The following PTPRN2 variants were observed in gnomAD, a reference collection of about 807,000 sequenced individuals.
The protein encoded by PTPRN2 is receptor-type tyrosine-protein phosphatase N2.
A neutral mutation model predicts 118.8 loss-of-function variants in PTPRN2; 74 were observed. That is an observed-to-expected ratio of 0.62 (90% CI 0.52 to 0.76). The LOEUF (loss-of-function observed/expected upper bound fraction) is 0.76, where lower values mean the gene tolerates loss of function less well. PTPRN2 is among the 30% of genes least tolerant of loss of function. The probability of loss-of-function intolerance (pLI) is 0.00; values close to 1 mark genes in which losing one functional copy is unlikely to be tolerated. For synonymous variants in PTPRN2, 641 were observed against 608.0 expected (o/e 1.05, Z -0.80); for missense variants, 1,481 against 1,394.4 (o/e 1.06, Z -0.99).
chr7:157,964,943 T>G lies in PTPRN2; in HGVS notation c.1724-66206A>C, dbSNP rs1410687040. 6.6e-6 allele frequency among the ~76,000 whole-genome samples: 1 copy of G among 152,130 alleles called. No individual in the cohort carries two copies. The highest frequency in any genetic ancestry group is 1.5e-5 in the Non-Finnish European group (1 of 68,016). ...TATAATTTATGTTCAACAGAGACCT[T>G]TGGGAGTGAGTGTCAGTGCCGTAGC... On this transcript the variant is annotated intron_variant, in intron 11 of 22. Transcript: ENST00000389418. This position sits in a 1 kb window ranked among gnomAD's most constrained non-coding sequence, Gnocchi z 9.0.
intron 11 of PTPRN2, among the ~76,000 whole-genome samples, chr7:158,076,705 C>A (rs1486551415): frequency 6.6e-6 from 1 of 152,178 alleles, no homozygotes; most frequent in African/African-American, 2.4e-5. Flanking sequence ...GCCCCTGAGA[C>A]CCACGCTAGT....
intron 5 of PTPRN2, among the ~76,000 whole-genome samples, chr7:158,187,596 T>C (rs1476577204): frequency 1.3e-5 from 2 of 152,322 alleles, no homozygotes; most frequent in South Asian, 2.1e-4. Flanking sequence ...ATTTAAACAC[T>C]GGACAGAAAA....
intron 14 of PTPRN2, among the ~76,000 whole-genome samples, chr7:157,633,558 G>A (rs894822970): frequency 2.0e-5 from 3 of 152,244 alleles, no homozygotes; most frequent in Non-Finnish European, 4.4e-5. Context: ...TCACGACGCA[G>A]AGCCTGGGTG....
At chr7:158,267,445 G>A (rs1359515087) in intron 3 of PTPRN2, among the ~76,000 whole-genome samples, 2 of 152,168 alleles carry the variant, frequency 1.3e-5, no homozygotes, top group Non-Finnish European at 2.9e-5. Flanking sequence ...TGTGGACAAC[G>A]CCCAGACCCT....
At chr7:158,513,299 G>T (rs532378200) in intron 1 of PTPRN2, among the ~76,000 whole-genome samples, 43 of 152,288 alleles carry the variant, frequency 2.8e-4, no homozygotes, top group Admixed American at 2.8e-3. Flanking sequence ...CCTCAAAACT[G>T]TCAGGGTCCT....
chr7:158,587,793 G>A lies in PTPRN2; in HGVS notation c.-124C>T. 1 of 929,794 alleles carries A rather than the reference G, an allele frequency of 1.1e-6. No homozygotes were observed. 57.6% of individuals were successfully genotyped at this position (929,794 alleles called of 1,614,324 possible). A position where few individuals can be genotyped will look rare whatever the true frequency, so the allele number is the denominator to read the frequency against. ...CCCGCCGCGCCTCTCGCGCTCTTGCGGCGACGCCGGGCCGAGCTTCAGCAC... is the reference window on the plus strand; with the variant it reads ...CCCGCCGCGCCTCTCGCGCTCTTGCAGCGACGCCGGGCCGAGCTTCAGCAC... On this transcript the variant is annotated 5_prime_UTR_variant, in exon 1 of 23. Transcript: ENST00000389418.
Position 157,923,523 on chromosome 7 carries a change from G to C in PTPRN2, c.1724-24786C>G, listed in dbSNP as rs368536206. Among the ~76,000 whole-genome samples the C allele has an allele frequency of 6.6e-5, 10 of 152,344 alleles. No individual in the cohort carries two copies. In the East Asian group the frequency reaches 7.7e-4, roughly 12 times the overall value. The stretch of plus-strand genomic sequence containing the variant: ...GAACATCATCCCCGTCTTTCCACCT[G>C]TGTCAGTTCCTTCAAAGACAGGCCC... On this transcript the variant is annotated intron_variant, in intron 11 of 22. Transcript: ENST00000389418.
At chr7:158,139,712 C>A (rs1210187771) in intron 6 of PTPRN2, among the ~76,000 whole-genome samples, 2 of 152,102 alleles carry the variant, frequency 1.3e-5, no homozygotes, top group African/African-American at 2.4e-5. Flanking sequence ...ACACGCTCCA[C>A]ACATGAGAAT....
At chr7:157,995,839 G>A (rs1381527244) in intron 11 of PTPRN2, among the ~76,000 whole-genome samples, 1 of 152,254 alleles carries the variant, frequency 6.6e-6, no homozygotes, top group African/African-American at 2.4e-5. Flanking sequence ...CTTCGGAAAT[G>A]CACACTGGAA....
At chr7:157,689,260 AC>A (rs1204891854) in intron 12 of PTPRN2, among the ~76,000 whole-genome samples, 1 of 152,172 alleles carries the variant, frequency 6.6e-6, no homozygotes, top group Non-Finnish European at 1.5e-5. Context: ...GGGATCGGCG[AC>A]GCAAGGACAG....
intron 1 of PTPRN2, among the ~76,000 whole-genome samples, chr7:158,522,472 C>CGG (rs1563390527): frequency 4.0e-5 from 6 of 150,952 alleles, no homozygotes; most frequent in African/African-American, 9.8e-5. Flanking sequence ...AGGTCCACGT[C>CGG]AGAATGGTGG....
chr7:157,698,832 AT>A (rs1486920036), intron 12 of PTPRN2, among the ~76,000 whole-genome samples: 1 of 152,244 alleles, frequency 6.6e-6, no homozygotes, highest in Non-Finnish European at 1.5e-5. Flanking sequence ...TCAGTATAGT[AT>A]ATATATTGTA....
In PTPRN2 at chr7:158,414,771, G is replaced by A. The variant is rs989032105; in HGVS notation, c.163+74964C>T. Reference sequence around the variant, plus strand: ...GCTGGGAGCTGTGTTGAAAGTGGGGGAGGGGCATCCACTGATGAAGCTTCC... The same window carrying A: ...GCTGGGAGCTGTGTTGAAAGTGGGGAAGGGGCATCCACTGATGAAGCTTCC... On this transcript the variant is annotated intron_variant, in intron 2 of 22. Transcript: ENST00000389418. Among the ~76,000 whole-genome samples, 20 of 152,350 alleles carry A rather than the reference G, an allele frequency of 1.3e-4. 1 individual carries two copies. Among genetic ancestry groups the A allele is most frequent in the Admixed American group, 1.2e-3 (19 of 15,308 alleles).
chr7:157,961,765 C>T (rs557628761), intron 11 of PTPRN2, among the ~76,000 whole-genome samples: 3 of 152,330 alleles, frequency 2.0e-5, no homozygotes, highest in South Asian at 2.1e-4. Flanking sequence ...TTAGTAAATT[C>T]GGCACTCATA....
At chr7:158,206,811 ATTTT>A (rs941403588) in intron 3 of PTPRN2, among the ~76,000 whole-genome samples, 7 of 149,356 alleles carry the variant, frequency 4.7e-5, no homozygotes, top group Non-Finnish European at 1.0e-4. Flanking sequence ...TAATTTATTT[ATTTT>A]TTATTATTAT....
intron 12 of PTPRN2, among the ~76,000 whole-genome samples, chr7:157,695,707 G>T (rs1188052054): frequency 6.6e-6 from 1 of 152,212 alleles, no homozygotes; most frequent in Non-Finnish European, 1.5e-5. Context: ...ACCACCAGTA[G>T]TTATTTTTTC....
intron 14 of PTPRN2, among the ~76,000 whole-genome samples, chr7:157,650,385 T>C (rs978115914): frequency 6.6e-6 from 1 of 152,332 alleles, no homozygotes; most frequent in Non-Finnish European, 1.5e-5. Flanking sequence ...GAGAAACAGC[T>C]TTCCTGCAAA....
rs150385747 is a variant in PTPRN2, at chr7:158,146,890, C to G, written c.911-8375G>C. Among the ~76,000 whole-genome samples the G allele has an allele frequency of 8.6e-5, 13 of 152,020 alleles. 1 individual carries two copies. The highest frequency in any genetic ancestry group is 4.6e-4 in the Admixed American group (7 of 15,282). On this transcript the variant is annotated intron_variant, in intron 6 of 22. Coordinates refer to ENST00000389418, the MANE Select transcript of PTPRN2 (RefSeq NM_002847.5). Reference sequence around the variant, plus strand: ...GCAAACAGTTTACAGGGAAAATACACCATTAAGATCCTGTGAAGAGACTGA... The same window carrying G: ...GCAAACAGTTTACAGGGAAAATACAGCATTAAGATCCTGTGAAGAGACTGA...
At chr7:158,298,899 C>A (rs1355449839) in intron 3 of PTPRN2, among the ~76,000 whole-genome samples, 2 of 152,172 alleles carry the variant, frequency 1.3e-5, no homozygotes, top group Non-Finnish European at 2.9e-5. Context: ...TGGGCCAGCA[C>A]CCAAATACCT....
Sources: gnomAD v4.1 joint callset for allele counts (sites outside exome capture counted in the v4.1 genomes callset) on GRCh38, gnomAD v4.1.1 for gene constraint, Gnocchi (gnomAD v3.1) non-coding constraint, MANE v1.5 for transcripts, NCBI Gene and HGNC (gene_info 2026-07-23, HGNC 2026-07-21) for gene names.